The following RBM47 variants were observed in gnomAD, a reference collection of about 807,000 sequenced individuals.
RBM47 encodes RNA-binding protein 47.
Under a neutral mutation model 47.1 loss-of-function variants are expected in RBM47, and 21 were observed. The observed-to-expected ratio is 0.45, with a 90% confidence interval of 0.32 to 0.64. The LOEUF is 0.64. Ranked by LOEUF, RBM47 falls within the 30% of genes least tolerant of loss-of-function variation. The pLI is 0.05. For missense variants in RBM47, 708 were observed against 870.9 expected (o/e 0.81, Z 2.35); for synonymous variants, 375 against 361.7 (o/e 1.04, Z -0.42).
intron 1 of RBM47, among the ~76,000 whole-genome samples, chr4:40,573,024 G>A (rs1272886400): frequency 6.6e-6 from 1 of 150,852 alleles, no homozygotes; most frequent in Non-Finnish European, 1.5e-5. Context: ...GTGGTGGTAG[G>A]TGCCTGTAAT....
At position 40,535,432 on chromosome 4, in the gene RBM47, G is replaced by A. The variant is rs1258695355; in HGVS notation, c.-155+8990C>T. ...CTGTCACCCAGGCTGGAGTGCAGTGGCACATACCAGCTCACTGCAACCTCC... is the reference window on the plus strand; with the variant it reads ...CTGTCACCCAGGCTGGAGTGCAGTGACACATACCAGCTCACTGCAACCTCC... On this transcript the variant is annotated intron_variant, in intron 2 of 6. Transcript: ENST00000295971. 2.1e-5 allele frequency among the ~76,000 whole-genome samples: 3 copies of A among 143,014 alleles called. No individual in the cohort carries two copies. In the East Asian group the frequency reaches 6.3e-4, roughly 30 times the overall value. The allele number at this position is 143,014 out of a possible 152,430, so 93.8% of individuals were successfully genotyped here.
chr4:40,459,423 G>A (rs1442281164), intron 3 of RBM47, among the ~76,000 whole-genome samples: 2 of 152,152 alleles, frequency 1.3e-5, no homozygotes, highest in African/African-American at 2.4e-5. Context: ...TGGGAGAGCC[G>A]TGCATGGGGG....
chr4:40,534,155 G>T (rs1201221332), intron 2 of RBM47, among the ~76,000 whole-genome samples: 1 of 151,010 alleles, frequency 6.6e-6, no homozygotes, highest in Non-Finnish European at 1.5e-5. Context: ...TTTTAGAGAT[G>T]GGGTCTCACT....
At chr4:40,471,396 G>T (rs766783721) in intron 2 of RBM47, among the ~76,000 whole-genome samples, 1 of 151,994 alleles carries the variant, frequency 6.6e-6, no homozygotes, top group South Asian at 2.1e-4. Context: ...CAAAGGGACC[G>T]TTTAAAAAAT....
intron 3 of RBM47, among the ~76,000 whole-genome samples, chr4:40,452,044 C>T (rs1277382889): frequency 6.6e-6 from 1 of 152,034 alleles, no homozygotes; most frequent in Non-Finnish European, 1.5e-5. Flanking sequence ...GTGGCATGTG[C>T]CTGTAGTCTC....
chr4:40,618,238 AAAAAAAG>A (rs1032874957), intron 1 of RBM47, among the ~76,000 whole-genome samples: 4 of 151,692 alleles, frequency 2.6e-5, no homozygotes, highest in Non-Finnish European at 5.9e-5. Flanking sequence ...AGACCCTCAA[AAAAAAAG>A]AAAAAAGAAA....
intron 3 of RBM47, among the ~76,000 whole-genome samples, chr4:40,442,098 T>A (rs1159896644): frequency 6.6e-6 from 1 of 152,250 alleles, no homozygotes; most frequent in Non-Finnish European, 1.5e-5. Flanking sequence ...ATTTTTTCAG[T>A]TTTCCCAGTG....
intron 3 of RBM47, among the ~76,000 whole-genome samples, chr4:40,464,515 G>T (rs1201552333): frequency 6.6e-6 from 1 of 152,046 alleles, no homozygotes; most frequent in Non-Finnish European, 1.5e-5. Flanking sequence ...ATATCATACT[G>T]TATGCCTCTA....
intron 1 of RBM47, among the ~76,000 whole-genome samples, chr4:40,572,898 T>G (rs977990896): frequency 5.3e-5 from 8 of 151,776 alleles, no homozygotes; most frequent in African/African-American, 1.9e-4. Flanking sequence ...ACACCTGGAA[T>G]CACAACACTT....
intron 2 of RBM47, among the ~76,000 whole-genome samples, chr4:40,497,312 T>C (rs768012970): frequency 3.3e-5 from 5 of 152,034 alleles, no homozygotes; most frequent in African/African-American, 1.2e-4. Context: ...TGTACAAATA[T>C]ATGACTATTT....
intron 3 of RBM47, among the ~76,000 whole-genome samples, chr4:40,458,636 T>TG (rs1716641257): frequency 6.6e-6 from 1 of 152,192 alleles, no homozygotes; most frequent in Admixed American, 6.5e-5. Flanking sequence ...AACTTTCTGG[T>TG]GGGGGATCAC....
At chr4:40,592,617 T>C (rs183681265) in intron 1 of RBM47, among the ~76,000 whole-genome samples, 1 of 150,752 alleles carries the variant, frequency 6.6e-6, no homozygotes, top group African/African-American at 2.4e-5. Flanking sequence ...AGAGACGGGG[T>C]TTCTCTATGT....
intron 1 of RBM47, among the ~76,000 whole-genome samples, chr4:40,601,956 G>C (rs1735319461): frequency 6.6e-6 from 1 of 151,894 alleles, no homozygotes; most frequent in Non-Finnish European, 1.5e-5. Context: ...AGAGCTTGAG[G>C]TTAGGAGTTT....
At chr4:40,530,209 T>G (rs533736965) in intron 2 of RBM47, among the ~76,000 whole-genome samples, 4 of 152,172 alleles carry the variant, frequency 2.6e-5, no homozygotes, top group South Asian at 4.2e-4. Context: ...GTGCTGGGAT[T>G]ACAGGTGTGA....
At chr4:40,460,531 CG>C (rs1716956094) in intron 3 of RBM47, among the ~76,000 whole-genome samples, 1 of 152,066 alleles carries the variant, frequency 6.6e-6, no homozygotes, top group Non-Finnish European at 1.5e-5. Flanking sequence ...GGGAATAGAC[CG>C]GGTGTGGTGG....
chr4:40,516,832 G>A (rs1411118948), intron 2 of RBM47, among the ~76,000 whole-genome samples: 1 of 152,140 alleles, frequency 6.6e-6, no homozygotes, highest in African/African-American at 2.4e-5. Flanking sequence ...CGCCACCTGT[G>A]GCATAGTTTC....
intron 1 of RBM47, among the ~76,000 whole-genome samples, chr4:40,548,075 G>A (rs968685375): frequency 2.6e-5 from 4 of 152,204 alleles, no homozygotes; most frequent in Non-Finnish European, 5.9e-5. Context: ...GAGTTGGGAC[G>A]AGACCATTAT....
intron 3 of RBM47, among the ~76,000 whole-genome samples, chr4:40,460,888 C>CA (rs35536750): frequency 0.46 from 42,581 of 92,852 alleles, 10,362 homozygotes; most frequent in Non-Finnish European, 0.5. Flanking sequence ...GACTCTGTCT[C>CA]AAAAAAAAAA....
At chr4:40,449,682 T>A (rs1259164321) in intron 3 of RBM47, among the ~76,000 whole-genome samples, 2 of 152,126 alleles carry the variant, frequency 1.3e-5, no homozygotes, top group Non-Finnish European at 2.9e-5. Context: ...TATTATCTTG[T>A]TCCCTTTATT....
Sources: gnomAD v4.1 joint callset for allele counts (sites outside exome capture counted in the v4.1 genomes callset) on GRCh38, gnomAD v4.1.1 for gene constraint, MANE v1.5 for transcripts, NCBI Gene and HGNC (gene_info 2026-07-23, HGNC 2026-07-21) for gene names.